Variants in RBFOX2 observed in about 807,000 individuals in gnomAD.
RBFOX2 encodes the protein RNA binding protein fox-1 homolog 2.
Under a neutral mutation model 49.1 loss-of-function variants are expected in RBFOX2, and 10 were observed. That is an observed-to-expected ratio of 0.20 (90% CI 0.13 to 0.35). The LOEUF (loss-of-function observed/expected upper bound fraction) is 0.35, where lower values mean the gene tolerates loss of function less well. RBFOX2 is among the 10% of genes least tolerant of loss of function. The pLI is 1.00. For missense variants in RBFOX2, 323 were observed against 486.9 expected, an observed-to-expected ratio of 0.66 and a Z score of 3.17; for synonymous variants, 183 against 187.4, an observed-to-expected ratio of 0.98 and a Z score of 0.19.
intron 1 of RBFOX2, among the ~76,000 whole-genome samples, chr22:35,816,253 GTTT>G (rs897399198): frequency 2.5e-4 from 38 of 152,000 alleles, no homozygotes; most frequent in African/African-American, 8.9e-4. Context: ...AAATATTCTC[GTTT>G]TTTGTTTTGT....
In RBFOX2 at chr22:35,817,477, A is replaced by AAAT. The variant is rs1569245738; in HGVS notation, c.28-7474_28-7473insATT. On this transcript the variant is annotated intron_variant, in intron 1 of 11. Coordinates refer to ENST00000405409, the Ensembl canonical transcript of RBFOX2. The stretch of plus-strand genomic sequence containing the variant: ...GGACAACAGAGTAAGACTTTGTCTC[A>AAAT]AAATAAATAAATAAATAAATAAATA... Among the ~76,000 whole-genome samples the AAAT allele has an allele frequency of 4.9e-4, 74 of 149,512 alleles. No individual in the cohort carries two copies. In the East Asian group the frequency reaches 0.012, roughly 23 times the overall value.
intron 1 of RBFOX2, among the ~76,000 whole-genome samples, chr22:35,928,001 C>T (rs1200089455): frequency 1.3e-5 from 2 of 152,130 alleles, no homozygotes; most frequent in Non-Finnish European, 2.9e-5. Flanking sequence ...TTCCTTATGG[C>T]CTCTTTTCCA....
intron 1 of RBFOX2, among the ~76,000 whole-genome samples, chr22:35,838,332 G>A (rs1958069006): frequency 6.7e-6 from 1 of 150,084 alleles, no homozygotes; most frequent in Admixed American, 6.6e-5. Context: ...TGTTACACTC[G>A]GCCACAAATA....
chr22:35,810,196 C>T (rs1364689017), intron 1 of RBFOX2, among the ~76,000 whole-genome samples, 192 bp from the exon 3 acceptor site: 1 of 127,240 alleles, frequency 7.9e-6, no homozygotes, highest in African/African-American at 3.0e-5. Context: ...CAGACACACA[C>T]ACACACACAC....
chr22:35,843,127 G>A (rs1212026490), upstream of RBFOX2, among the ~76,000 whole-genome samples: 2 of 152,204 alleles, frequency 1.3e-5, no homozygotes, highest in South Asian at 2.1e-4. Context: ...AGAGAGAAGA[G>A]CAATTGAGCA....
Position 35,937,629 on chromosome 22 carries a change from C to T in RBFOX2, c.-34+1218G>A, listed in dbSNP as rs565547478. ...TTTTTGAGACAAAGTCTCGCTCTAT[C>T]ACTCAGGCTGGAATGCAATGGTGTA... On this transcript the variant is annotated intron_variant, in intron 1 of 13. Transcript: ENST00000359369. Among the ~76,000 whole-genome samples the T allele has an allele frequency of 1.2e-4, 19 of 152,296 alleles. 1 individual carries two copies. The South Asian group carries it at 3.5e-3, about 28-fold the overall frequency.
At chr22:35,909,127 C>A (rs561742058) in intron 1 of RBFOX2, among the ~76,000 whole-genome samples, 38 of 152,160 alleles carry the variant, frequency 2.5e-4, no homozygotes, top group Non-Finnish European at 4.7e-4. Flanking sequence ...CAGGAGTGAG[C>A]CACTGCGCCC....
At chr22:35,764,280 C>T (rs1940060439) in intron 6 of RBFOX2, among the ~76,000 whole-genome samples, 1 of 151,966 alleles carries the variant, frequency 6.6e-6, no homozygotes, top group African/African-American at 2.4e-5. Context: ...GCAGTGGGTT[C>T]AAACTTTTTA....
chr22:35,766,797 C>A (rs1158883851), intron 5 of RBFOX2, among the ~76,000 whole-genome samples: 1 of 152,090 alleles, frequency 6.6e-6, no homozygotes, highest in East Asian at 1.9e-4. Flanking sequence ...AGAAAGCAAC[C>A]AAGCACTTAA....
chr22:35,993,963 G>C (rs1793782540), intron 1 of RBFOX2: 1 of 151,934 alleles, frequency 6.6e-6, no homozygotes, highest in Non-Finnish European at 1.5e-5. Context: ...CTCCAGCCTG[G>C]GAGACAGAAC....
At chr22:35,840,196 G>A in exon 1 of RBFOX2, 11 of 1,614,026 alleles carry the variant, frequency 6.8e-6, no homozygotes, top group South Asian at 1.1e-5. Context: ...TCTTACCTGA[G>A]TTACCATTTT....
chr22:35,860,188 T>C (rs942610116), intron 1 of RBFOX2, among the ~76,000 whole-genome samples: 1 of 152,156 alleles, frequency 6.6e-6, no homozygotes, highest in Non-Finnish European at 1.5e-5. Flanking sequence ...TTGGGGATAT[T>C]AGCAAATATC....
chr22:35,893,294 C>T (rs2047466209), intron 1 of RBFOX2, among the ~76,000 whole-genome samples: 2 of 152,098 alleles, frequency 1.3e-5, no homozygotes, highest in Admixed American at 6.5e-5. Flanking sequence ...GGTAGGGAAG[C>T]TCTGTTCCAG....
chr22:35,804,661 A>T (rs1950376232), intron 2 of RBFOX2, among the ~76,000 whole-genome samples: 1 of 152,116 alleles, frequency 6.6e-6, no homozygotes, highest in Non-Finnish European at 1.5e-5. Flanking sequence ...TATAGCTAAC[A>T]AAACTATCAT....
At chr22:35,897,452 T>C (rs1182690083) in intron 1 of RBFOX2, 2 of 843,898 alleles carry the variant, frequency 2.4e-6, no homozygotes, top group African/African-American at 3.3e-5. Context: ...CTTTATCCCT[T>C]GTTGTCCAGG....
intron 1 of RBFOX2, among the ~76,000 whole-genome samples, chr22:36,006,947 C>G (rs1464375797): frequency 6.6e-6 from 1 of 152,126 alleles, no homozygotes; most frequent in Non-Finnish European, 1.5e-5. Flanking sequence ...AAAGGCTGCT[C>G]CTAAGTCCAT....
At chr22:35,935,586 T>G (rs1415009777) in intron 1 of RBFOX2, among the ~76,000 whole-genome samples, 1 of 152,160 alleles carries the variant, frequency 6.6e-6, no homozygotes, top group Non-Finnish European at 1.5e-5. Flanking sequence ...CTAACAAACT[T>G]AGTAGTAATA....
chr22:35,840,998 G>A (rs1490931854), upstream of RBFOX2, among the ~76,000 whole-genome samples: 1 of 152,140 alleles, frequency 6.6e-6, no homozygotes, highest in Non-Finnish European at 1.5e-5. Flanking sequence ...CCAGCCTAGT[G>A]AGAGCAAAGG....
intron 1 of RBFOX2, among the ~76,000 whole-genome samples, chr22:35,904,728 C>G (rs1453131126): frequency 1.3e-5 from 2 of 152,190 alleles, no homozygotes; most frequent in African/African-American, 4.8e-5. Flanking sequence ...ACAATAATAG[C>G]ATCCCAGTTC....
Sources: gnomAD v4.1 joint callset for allele counts (sites outside exome capture counted in the v4.1 genomes callset) on GRCh38, gnomAD v4.1.1 for gene constraint, MANE v1.5 for transcripts, NCBI Gene and HGNC (gene_info 2026-07-23, HGNC 2026-07-21) for gene names.